The following ALOX5 variants were observed in gnomAD, a reference collection of about 807,000 sequenced individuals.
ALOX5 encodes polyunsaturated fatty acid 5-lipoxygenase.
A neutral mutation model predicts 87.9 loss-of-function variants in ALOX5; 64 were observed. That is an observed-to-expected ratio of 0.73 (90% CI 0.60 to 0.90). ALOX5 has a LOEUF of 0.90. Among genes scored for constraint, ALOX5 ranks in the 40% least tolerant of loss-of-function variants. ALOX5 has a pLI of 0.00. For synonymous variants in ALOX5, 388 were observed against 355.1 expected (o/e 1.09, Z -1.04); for missense variants, 822 against 907.5 (o/e 0.91, Z 1.21).
intron 1 of ALOX5, among the ~76,000 whole-genome samples, chr10:45,377,829 G>C (rs548027695): frequency 1.2e-4 from 18 of 152,350 alleles, no homozygotes; most frequent in Non-Finnish European, 1.9e-4. Flanking sequence ...AATGCTGATA[G>C]AAAGCTCACA....
rs756492997 is a variant in ALOX5 at position 45,382,679 on chromosome 10, G to A, written c.347G>A (p.Arg116His). The change falls in exon 2 of 14, where the codon CGC becomes CAC. Residue 116 changes from arginine to histidine, a missense_variant and splice_region_variant. Physicochemically the swap from Arg to His is conservative, Grantham distance 29. Transcript: ENST00000374391. ...GDVEVVLRDG[R>H]AKLARDDQIH... Reference sequence around the variant, plus strand: ...GTCGAGGTTGTCCTGAGGGATGGACGCGGTGAGCAGCTCAGGCCCCTTCTG... The same window carrying A: ...GTCGAGGTTGTCCTGAGGGATGGACACGGTGAGCAGCTCAGGCCCCTTCTG... The A allele has an allele frequency of 6.8e-6, 11 of 1,611,238 alleles. No homozygotes were observed. Among genetic ancestry groups the A allele is most frequent in the African/African-American group, 4.0e-5 (3 of 74,874 alleles).
chr10:45,428,421 C>T, intron 6 of ALOX5, 197 bp from the exon 7 acceptor site: 1 of 648,756 alleles, frequency 1.5e-6, no homozygotes, highest in Non-Finnish European at 2.5e-6. Context: ...TCATCTTACC[C>T]CGAACTGCCA....
intron 2 of ALOX5, among the ~76,000 whole-genome samples, chr10:45,384,541 T>C (rs760087283): frequency 3.7e-4 from 56 of 152,224 alleles, no homozygotes; most frequent in African/African-American, 1.2e-3. Flanking sequence ...TCTAGGCTCC[T>C]TGGCCTCTCT....
At chr10:45,391,354 C>T (rs1588991953) in intron 2 of ALOX5, among the ~76,000 whole-genome samples, 1 of 152,308 alleles carries the variant, frequency 6.6e-6, no homozygotes, top group Admixed American at 6.5e-5. Context: ...CTCGGCCTCC[C>T]GAGGTGCCGG....
rs761624661 is a variant in ALOX5, at chr10:45,444,106, G to A, written c.1675-10G>A. 1.8e-5 allele frequency: 27 copies of A among 1,525,316 alleles called. No homozygotes were observed. The East Asian group carries it at 4.0e-4, about 22-fold the overall frequency. The allele number at this position is 1,525,316 out of a possible 1,614,324, so 94.5% of individuals were successfully genotyped here. On this transcript the variant is annotated splice_polypyrimidine_tract_variant and intron_variant, in intron 12 of 13. Coordinates refer to ENST00000374391, the MANE Select transcript of ALOX5 (RefSeq NM_000698.5). ...GGGGTGCCCACGCTTGCTGGCGGTCGTCTCCGCAGTACGACTGGTGCTCCT... is the reference window on the plus strand; with the variant it reads ...GGGGTGCCCACGCTTGCTGGCGGTCATCTCCGCAGTACGACTGGTGCTCCT...
At position 45,443,610 on chromosome 10, in the gene ALOX5, G is replaced by C. The variant is rs907350584; in HGVS notation, c.1573+73G>C. The C allele has an allele frequency of 1.9e-6, 3 of 1,597,218 alleles. No homozygotes were observed. In the African/African-American group the frequency reaches 4.0e-5, roughly 21 times the overall value. ...GCGCTGGCCCCTCCGCCACCCCTCC[G>C]GGGTGTCCTGCCCAGGGTGCCCTCC... On this transcript the variant is annotated intron_variant, in intron 11 of 13. Transcript: ENST00000374391.
Position 45,444,227 on chromosome 10 carries a change from G to A in ALOX5, c.1786G>A (p.Gly596Ser), listed in dbSNP as rs768112272. ...EQIVDTLPDR[G>S]RSCWHLGAVW... Reference sequence around the variant, plus strand: ...GATCGTGGACACGCTGCCCGACCGCGGCCGCTCCTGCTGGCATCTGGGTGC... The same window carrying A: ...GATCGTGGACACGCTGCCCGACCGCAGCCGCTCCTGCTGGCATCTGGGTGC... The change falls in exon 13 of 14, where the codon GGC (glycine) becomes AGC (serine). Residue 596 changes from glycine (G) to serine (S), a missense_variant. Transcript: ENST00000374391. The A allele has an allele frequency of 1.3e-6, 2 of 1,554,772 alleles. No homozygotes were observed. The highest frequency in any genetic ancestry group is 1.2e-5 in the South Asian group (1 of 84,368).
chr10:45,430,077 T>G (rs1324948911), intron 7 of ALOX5, among the ~76,000 whole-genome samples: 1 of 152,056 alleles, frequency 6.6e-6, no homozygotes, highest in African/African-American at 2.4e-5. Flanking sequence ...AAGCAGCAGG[T>G]AAAGGGACAG....
chr10:45,427,094 G>C (rs1841731334), intron 6 of ALOX5, among the ~76,000 whole-genome samples: 1 of 152,218 alleles, frequency 6.6e-6, no homozygotes, highest in Non-Finnish European at 1.5e-5. Context: ...CTGAAAGGTA[G>C]GCCCGCCCCT....
intron 10 of ALOX5, 63 bp from the exon 11 acceptor site, chr10:45,443,352 GC>G: frequency 6.3e-7 from 1 of 1,591,936 alleles, no homozygotes; most frequent in Non-Finnish European, 8.6e-7. Flanking sequence ...TGAGGGGGTT[GC>G]CGCCGGGCAC....
chr10:45,395,412 C>T (rs1006465710), intron 2 of ALOX5, among the ~76,000 whole-genome samples: 2 of 151,946 alleles, frequency 1.3e-5, no homozygotes, highest in Admixed American at 6.6e-5. Context: ...ACAATGAGAA[C>T]ACTTGGACAC....
intron 3 of ALOX5, among the ~76,000 whole-genome samples, chr10:45,400,472 G>C (rs370463226): frequency 7.9e-5 from 12 of 152,174 alleles, no homozygotes; most frequent in African/African-American, 2.6e-4. Context: ...GTTGGTGCAC[G>C]CCTGTAATCC....
At chr10:45,426,306 C>T (rs72796477) in intron 6 of ALOX5, among the ~76,000 whole-genome samples, 2,225 of 152,338 alleles carry the variant, frequency 0.015, 29 homozygotes, top group Middle Eastern at 0.027. Flanking sequence ...GGGCATCAGC[C>T]TCCCACTGGG....
chr10:45,383,403 A>C (rs1272449661), intron 2 of ALOX5, among the ~76,000 whole-genome samples: 1 of 152,200 alleles, frequency 6.6e-6, no homozygotes, highest in East Asian at 1.9e-4. Context: ...CACCTTGCAT[A>C]CCCAGCCTCC....
At chr10:45,387,063 C>A (rs911117416) in intron 2 of ALOX5, among the ~76,000 whole-genome samples, 2 of 152,164 alleles carry the variant, frequency 1.3e-5, no homozygotes, top group African/African-American at 2.4e-5. Flanking sequence ...GCGTGCCAGG[C>A]GCCGTGTGGA....
In ALOX5 at chr10:45,374,219, T is replaced by G; in HGVS notation, c.-61T>G. ...GGTGGGAGGAGGCTGCGGCGCTAGA[T>G]GCGGACACCTGGACCGCCGCGCCGA... On this transcript the variant is annotated 5_prime_UTR_variant, in exon 1 of 14. The change abolishes an upstream ATG in the 5' untranslated region. Coordinates refer to ENST00000374391, the MANE Select transcript of ALOX5 (RefSeq NM_000698.5). 1.4e-6 allele frequency: 2 copies of G among 1,406,168 alleles called. No individual in the cohort carries two copies. Among genetic ancestry groups the G allele is most frequent in the Non-Finnish European group, 9.2e-7 (1 of 1,081,854 alleles). 87.1% of individuals were successfully genotyped at this position (1,406,168 alleles called of 1,614,324 possible).
rs763416007 is a variant in ALOX5, at chr10:45,412,256, G to A, written c.497G>A (p.Arg166His). The change falls in exon 4 of 14, where the codon CGT becomes CAT. Residue 166 changes from arginine (R) to histidine (H), a missense_variant. Physicochemically the swap from Arg to His is conservative, Grantham distance 29. Transcript: ENST00000374391. ...IDAKCHKDLP[R>H]DIQFDSEKGV... is the part of the protein sequence containing the mutation. Reference sequence around the variant, plus strand: ...GCCAAATGCCACAAGGATTTACCCCGTGATATCCAGTTTGATAGTGAAAAA... The same window carrying A: ...GCCAAATGCCACAAGGATTTACCCCATGATATCCAGTTTGATAGTGAAAAA... 6.8e-6 allele frequency: 11 copies of A among 1,613,974 alleles called. No homozygotes were observed. Among genetic ancestry groups the A allele is most frequent in the South Asian group, 1.1e-5 (1 of 91,078 alleles).
chr10:45,418,995 GA>G (rs1261815576), intron 4 of ALOX5, among the ~76,000 whole-genome samples: 17 of 152,264 alleles, frequency 1.1e-4, no homozygotes, highest in African/African-American at 3.9e-4. Context: ...CCTCCCATGA[GA>G]ATGGGCGGGG....
intron 2 of ALOX5, among the ~76,000 whole-genome samples, chr10:45,392,097 C>A (rs946021234): frequency 6.6e-6 from 1 of 151,550 alleles, no homozygotes; most frequent in Non-Finnish European, 1.5e-5. Context: ...GGGGTCAGCC[C>A]CCCGCCCGGC....
Sources: gnomAD v4.1 joint callset for allele counts (sites outside exome capture counted in the v4.1 genomes callset) on GRCh38, gnomAD v4.1.1 for gene constraint, MANE v1.5 for transcripts, NCBI Gene and HGNC (gene_info 2026-07-23, HGNC 2026-07-21) for gene names.